Variants in SLC24A2 observed in about 807,000 individuals in gnomAD.
The protein encoded by SLC24A2 is solute carrier family 24 member 2.
In SLC24A2, 36 loss-of-function variants were observed where a neutral mutation model predicts 62.0. The observed-to-expected ratio is 0.58, with a 90% confidence interval of 0.44 to 0.77. The LOEUF (loss-of-function observed/expected upper bound fraction) is 0.77. SLC24A2 is among the 30% of genes least tolerant of loss of function. SLC24A2 has a pLI of 0.00. For synonymous variants in SLC24A2, 358 were observed against 294.0 expected (o/e 1.22, Z -2.23); for missense variants, 846 against 817.9 (o/e 1.03, Z -0.42).
intron 2 of SLC24A2, among the ~76,000 whole-genome samples, chr9:19,650,326 C>G (rs1400589448): frequency 1.3e-5 from 2 of 152,162 alleles, no homozygotes. Flanking sequence ...ATCATCCTGT[C>G]CACTGGGTAA....
At chr9:19,947,347 CGGAAGGAAGGAAGGAAGGAAAGAAGGAA>C in the SLC24A2 span, among the ~76,000 whole-genome samples, 28 of 145,002 alleles carry the variant, frequency 1.9e-4, no homozygotes, top group Non-Finnish European at 3.0e-4. Flanking sequence ...CTGTGGCTGC[CGGAAGGAAGGAAGGAAGGAAAGAAGGAA>C]GGAAGGAAGG....
the SLC24A2 span, among the ~76,000 whole-genome samples, chr9:20,043,400 AT>A: frequency 6.6e-6 from 1 of 152,224 alleles, no homozygotes; most frequent in Non-Finnish European, 1.5e-5. Context: ...TAGAAAGTAC[AT>A]TTTGTAAGGT....
At chr9:19,969,275 C>T in the SLC24A2 span, among the ~76,000 whole-genome samples, 1 of 149,628 alleles carries the variant, frequency 6.7e-6, no homozygotes, top group Non-Finnish European at 1.5e-5. Flanking sequence ...CCTTTTTCAT[C>T]TCTTCTGTCT....
the SLC24A2 span, among the ~76,000 whole-genome samples, chr9:20,174,678 C>A: frequency 6.6e-6 from 1 of 151,804 alleles, no homozygotes; most frequent in African/African-American, 2.4e-5. Flanking sequence ...CAAGAATGGC[C>A]ATAAACAAAA....
chr9:20,021,423 G>A, the SLC24A2 span, among the ~76,000 whole-genome samples: 3 of 151,794 alleles, frequency 2.0e-5, no homozygotes, highest in Admixed American at 6.6e-5. Context: ...TAAGGCAGCT[G>A]TTCCAATTGC....
chr9:20,109,372 C>A, the SLC24A2 span, among the ~76,000 whole-genome samples: 2 of 152,176 alleles, frequency 1.3e-5, no homozygotes, highest in African/African-American at 4.8e-5. Context: ...CATCTAGGGA[C>A]TTGAATTTCA....
chr9:19,772,576 C>G (rs1410007718), intron 2 of SLC24A2, among the ~76,000 whole-genome samples: 1 of 152,180 alleles, frequency 6.6e-6, no homozygotes, highest in African/African-American at 2.4e-5. Context: ...GTAGACACTT[C>G]TCCAAAGAAG....
chr9:19,821,442 T>A, the SLC24A2 span, among the ~76,000 whole-genome samples: 13 of 152,228 alleles, frequency 8.5e-5, no homozygotes, highest in East Asian at 1.9e-3. Flanking sequence ...CTCAAAAGAA[T>A]CTATTAAGAA....
the SLC24A2 span, among the ~76,000 whole-genome samples, chr9:19,833,428 T>C: frequency 6.6e-6 from 1 of 152,190 alleles, no homozygotes; most frequent in Admixed American, 6.5e-5. Context: ...CAGGAGATTA[T>C]ATCCTGCACC....
chr9:20,069,250 C>T, the SLC24A2 span, among the ~76,000 whole-genome samples: 1 of 152,168 alleles, frequency 6.6e-6, no homozygotes, highest in African/African-American at 2.4e-5. Flanking sequence ...AGAATTACAT[C>T]GTTTTATTAG....
the SLC24A2 span, among the ~76,000 whole-genome samples, chr9:19,849,352 G>T: frequency 2.6e-5 from 4 of 152,236 alleles, no homozygotes; most frequent in Middle Eastern, 3.4e-3. Context: ...AAGCATATAA[G>T]TAATATTTTA....
intron 2 of SLC24A2, among the ~76,000 whole-genome samples, chr9:19,733,946 G>C (rs1322924917): frequency 6.6e-6 from 1 of 152,062 alleles, no homozygotes; most frequent in Non-Finnish European, 1.5e-5. Context: ...AAACAAAACA[G>C]AATAAGGGAA....
the SLC24A2 span, among the ~76,000 whole-genome samples, chr9:20,134,120 T>C: frequency 6.6e-6 from 1 of 152,114 alleles, no homozygotes; most frequent in Non-Finnish European, 1.5e-5. Flanking sequence ...AAGCTGTGGA[T>C]ATGGAGAGCC....
the SLC24A2 span, among the ~76,000 whole-genome samples, chr9:19,897,813 G>A: frequency 6.6e-6 from 1 of 152,170 alleles, no homozygotes; most frequent in African/African-American, 2.4e-5. Context: ...GGGCAAAACT[G>A]AGACTGAAAT....
the SLC24A2 span, among the ~76,000 whole-genome samples, chr9:20,186,881 C>T: frequency 6.6e-6 from 1 of 152,148 alleles, no homozygotes; most frequent in African/African-American, 2.4e-5. Context: ...ACATCCATGC[C>T]TGTTTCTACA....
At chr9:20,241,029 C>T in the SLC24A2 span, among the ~76,000 whole-genome samples, 1 of 152,186 alleles carries the variant, frequency 6.6e-6, no homozygotes, top group African/African-American at 2.4e-5. Context: ...CCACTCTCCT[C>T]CTGGAAGAAA....
At chr9:19,597,698 G>T (rs2132901754) in intron 4 of SLC24A2, among the ~76,000 whole-genome samples, 1 of 152,308 alleles carries the variant, frequency 6.6e-6, no homozygotes, top group South Asian at 2.1e-4. Context: ...CAGAACAGCA[G>T]TTCAAGAAGT....
chr9:20,132,081 C>T, the SLC24A2 span, among the ~76,000 whole-genome samples: 1 of 151,970 alleles, frequency 6.6e-6, no homozygotes, highest in Non-Finnish European at 1.5e-5. Flanking sequence ...GATAGTAACA[C>T]TGAATTAGCG....
the SLC24A2 span, among the ~76,000 whole-genome samples, chr9:20,029,687 T>C: frequency 6.6e-6 from 1 of 152,152 alleles, no homozygotes; most frequent in Non-Finnish European, 1.5e-5. Flanking sequence ...ACCCAAGAAA[T>C]GGTTATGTTT....
Sources: gnomAD v4.1 joint callset for allele counts (sites outside exome capture counted in the v4.1 genomes callset) on GRCh38, gnomAD v4.1.1 for gene constraint, MANE v1.5 for transcripts, NCBI Gene and HGNC (gene_info 2026-07-23, HGNC 2026-07-21) for gene names.